ZNF705G: variants seen among roughly 807,000 people sequenced by gnomAD.
The protein encoded by ZNF705G is zinc finger protein 705G.
Under a neutral mutation model 19.6 loss-of-function variants are expected in ZNF705G, and 23 were observed. The ratio of observed to expected loss-of-function variants is 1.17; its 90% CI spans 0.84 to 1.66. ZNF705G has a LOEUF of 1.66. Among genes scored for constraint, ZNF705G ranks in the 40% most tolerant of loss-of-function variants. The pLI, the probability that ZNF705G is intolerant of heterozygous loss-of-function variation, is 0.00. For synonymous variants in ZNF705G, 146 were observed against 117.7 expected, an observed-to-expected ratio of 1.24 and a Z score of -1.56; for missense variants, 457 against 354.4, an observed-to-expected ratio of 1.29 and a Z score of -2.32.
chr8:7,365,371 C>G (rs1369668416), intron 2 of ZNF705G, among the ~76,000 whole-genome samples: 2 of 144,060 alleles, frequency 1.4e-5, no homozygotes, highest in Non-Finnish European at 3.0e-5. Flanking sequence ...AGATGTCTCT[C>G]TCTATTTTTT....
chr8:7,361,487 A>AT (rs1806593341), intron 3 of ZNF705G, among the ~76,000 whole-genome samples: 1 of 149,702 alleles, frequency 6.7e-6, no homozygotes, highest in African/African-American at 2.6e-5. Context: ...TAACCCAGAT[A>AT]TTTTTCAGTA....
chr8:7,371,460 T>C (rs1166185236), intron 2 of ZNF705G, among the ~76,000 whole-genome samples: 1 of 103,826 alleles, frequency 9.6e-6, no homozygotes, highest in Non-Finnish European at 2.0e-5. Flanking sequence ...AGATTTTGTA[T>C]TCTTACCAAT....
intron 2 of ZNF705G, among the ~76,000 whole-genome samples, chr8:7,375,567 T>G (rs181654002): frequency 1.4e-4 from 13 of 93,670 alleles, no homozygotes; most frequent in East Asian, 1.1e-3. Context: ...GGGTCAAATG[T>G]TAGTTCTGTA....
intron 2 of ZNF705G, among the ~76,000 whole-genome samples, chr8:7,368,748 G>C (rs558347283): frequency 6.7e-6 from 1 of 149,660 alleles, no homozygotes. Flanking sequence ...TGTGAGCTGG[G>C]CCCAGTGCAA....
In ZNF705G at chr8:7,362,948, G is replaced by C. The variant is rs1806675688; in HGVS notation, c.-2C>G. The C allele has an allele frequency of 1.9e-6, 3 of 1,590,770 alleles. No individual in the cohort carries two copies. The highest frequency in any genetic ancestry group is 1.4e-5 in the African/African-American group (1 of 70,524). ...TCCCCTACTCACTAGTGAATGCATT[G>C]TCAGGAACTCAGTTTCTCTCTGTCT... On this transcript the variant is annotated 5_prime_UTR_variant, in exon 3 of 7. Coordinates refer to ENST00000400156, the MANE Select transcript of ZNF705G (RefSeq NM_001164457.3).
intron 2 of ZNF705G, among the ~76,000 whole-genome samples, chr8:7,381,052 A>AAAAAAAAC (rs1807476129): frequency 7.4e-6 from 1 of 136,000 alleles, no homozygotes; most frequent in African/African-American, 3.5e-5. Flanking sequence ...AAAAAAAAAA[A>AAAAAAAAC]ACACAACACA....
intron 2 of ZNF705G, among the ~76,000 whole-genome samples, chr8:7,367,803 C>T (rs537439039): frequency 6.7e-6 from 1 of 149,922 alleles, no homozygotes; most frequent in African/African-American, 2.5e-5. Flanking sequence ...CGGTCGAATT[C>T]TTTCTTCTAG....
chr8:7,360,739 G>A (rs1331585120), intron 4 of ZNF705G, among the ~76,000 whole-genome samples: 1 of 149,506 alleles, frequency 6.7e-6, no homozygotes, highest in Non-Finnish European at 1.5e-5. Context: ...TATTGCTATT[G>A]TTTTCCCTAA....
chr8:7,381,821 C>T (rs1445025009), intron 1 of ZNF705G, among the ~76,000 whole-genome samples: 6 of 149,286 alleles, frequency 4.0e-5, no homozygotes, highest in Non-Finnish European at 8.9e-5. Context: ...GATCCATACT[C>T]CAAACCACCA....
intron 2 of ZNF705G, among the ~76,000 whole-genome samples, chr8:7,366,834 AT>A (rs1806879707): frequency 6.7e-6 from 1 of 149,546 alleles, no homozygotes; most frequent in Admixed American, 6.6e-5. Context: ...GCCCAACACG[AT>A]TTTCTGTGAT....
chr8:7,380,337 AC>A, intron 2 of ZNF705G, among the ~76,000 whole-genome samples: 1 of 147,350 alleles, frequency 6.8e-6, no homozygotes, highest in East Asian at 1.9e-4. Flanking sequence ...CTGGGGATCA[AC>A]CCACACTGCT....
At chr8:7,365,503 T>C (rs1806815746) in intron 2 of ZNF705G, among the ~76,000 whole-genome samples, 1 of 148,150 alleles carries the variant, frequency 6.7e-6, no homozygotes, top group Non-Finnish European at 1.5e-5. Flanking sequence ...CTCAGCCTCC[T>C]GAGTAGCTGG....
intron 4 of ZNF705G, among the ~76,000 whole-genome samples, chr8:7,360,896 C>T (rs1806552657): frequency 6.7e-6 from 1 of 149,358 alleles, no homozygotes; most frequent in South Asian, 2.1e-4. Context: ...CTTGTCAAGA[C>T]TACATTCTAA....
rs539927979 is a variant in ZNF705G, at chr8:7,357,002, G to A, written c.*974C>T. On this transcript the variant is annotated 3_prime_UTR_variant, in exon 7 of 7. Coordinates refer to ENST00000400156, the MANE Select transcript of ZNF705G (RefSeq NM_001164457.3). ...AAGTATGTGTTAAGAGTTTTTTCTA[G>A]GGGTCCAACTTCTTGACTCACTTTT... 18 of 149,858 alleles carry A rather than the reference G, an allele frequency of 1.2e-4. 2 individuals carry two copies. Among genetic ancestry groups the A allele is most frequent in the Admixed American group, 6.6e-4 (10 of 15,240 alleles). 9.3% of individuals were successfully genotyped at this position (149,858 alleles called of 1,614,324 possible). A position where few individuals can be genotyped will look rare whatever the true frequency, so the allele number is the denominator to read the frequency against.
At position 7,361,199 on chromosome 8, in the gene ZNF705G, G is replaced by T; in HGVS notation, c.50C>A (p.Thr17Asn). 8 of 1,592,850 alleles carry T rather than the reference G, an allele frequency of 5.0e-6. No homozygotes were observed. Among genetic ancestry groups the T allele is most frequent in the Non-Finnish European group, 6.8e-6 (8 of 1,179,418 alleles). Residue 17 changes from threonine (T) to asparagine (N), a missense_variant, in exon 4 of 7, where the codon ACC becomes AAC. Physicochemically the swap from Thr to Asn is moderately conservative, Grantham distance 65 (BLOSUM62 0). Coordinates refer to ENST00000400156, the MANE Select transcript of ZNF705G (RefSeq NM_001164457.3). ...GTCCATCATGGCCCACTCTTCCTGG[G>T]TGAAGTCAATAGCTACATCTTCAAA... ...LTFEDVAIDF[T>N]QEEWAMMDTS...
At chr8:7,363,128 C>T in intron 2 of ZNF705G, 111 bp from the exon 3 acceptor site, 1 of 1,367,496 alleles carries the variant, frequency 7.3e-7, no homozygotes, top group Non-Finnish European at 1.0e-6. Context: ...TGCACCACAG[C>T]CTAACCAACA....
intron 2 of ZNF705G, among the ~76,000 whole-genome samples, chr8:7,364,894 T>C (rs1306469731): frequency 6.7e-6 from 1 of 149,578 alleles, no homozygotes; most frequent in African/African-American, 2.6e-5. Flanking sequence ...AAATAAGATA[T>C]TAGAGAATGC....
chr8:7,361,101 G>C lies in ZNF705G; in HGVS notation c.139+9C>G, dbSNP rs763260106. 5.7e-6 allele frequency: 9 copies of C among 1,592,570 alleles called. No homozygotes were observed. The highest frequency in any genetic ancestry group is 7.6e-6 in the Non-Finnish European group (9 of 1,179,376). ...CTCTACATATGTACATGAATGTTCAGGGACTCACCGAGGGACACCAGGTGA... is the reference window on the plus strand; with the variant it reads ...CTCTACATATGTACATGAATGTTCACGGACTCACCGAGGGACACCAGGTGA... On this transcript the variant is annotated intron_variant, in intron 4 of 6. Transcript: ENST00000400156.
At chr8:7,366,255 T>A (rs1585416638) in intron 2 of ZNF705G, among the ~76,000 whole-genome samples, 1 of 148,770 alleles carries the variant, frequency 6.7e-6, no homozygotes, top group Non-Finnish European at 1.5e-5. Context: ...GCTTCCAACA[T>A]CCAATATATT....
Sources: gnomAD v4.1 joint callset for allele counts (sites outside exome capture counted in the v4.1 genomes callset) on GRCh38, gnomAD v4.1.1 for gene constraint, MANE v1.5 for transcripts, NCBI Gene and HGNC (gene_info 2026-07-23, HGNC 2026-07-21) for gene names.